CFAP47: variants seen among roughly 807,000 people sequenced by gnomAD.
CFAP47 encodes the protein cilia and flagella associated protein 47.
A neutral mutation model predicts 148.1 loss-of-function variants in CFAP47; 29 were observed. That is an observed-to-expected ratio of 0.20 (90% CI 0.15 to 0.27). The LOEUF (loss-of-function observed/expected upper bound fraction) is 0.27, where lower values mean the gene tolerates loss of function less well. Among genes scored for constraint, CFAP47 ranks in the 10% least tolerant of loss-of-function variants. The pLI, the probability that CFAP47 is intolerant of heterozygous loss-of-function variation, is 1.00. For synonymous variants in CFAP47, 664 were observed against 577.3 expected (o/e 1.15, Z -2.15); for missense variants, 1,872 against 1,697.5 (o/e 1.10, Z -1.81).
intron 45 of CFAP47, among the ~76,000 whole-genome samples, chrX:36,223,657 G>T (rs997881064): frequency 9.0e-6 from 1 of 111,127 alleles, no homozygotes; most frequent in Non-Finnish European, 1.9e-5. Context: ...TATATTCTAT[G>T]AAGCCCCAAA....
chrX:36,355,958 T>C (rs782006662), intron 60 of CFAP47, among the ~76,000 whole-genome samples: 1 of 111,833 alleles, frequency 8.9e-6, no homozygotes, highest in East Asian at 2.8e-4. Context: ...GTTGTACTCT[T>C]GTCAGGTTGT....
At chrX:36,035,302 C>T (rs984458112) in intron 23 of CFAP47, among the ~76,000 whole-genome samples, 7 of 111,471 alleles carry the variant, frequency 6.3e-5, no homozygotes, top group Non-Finnish European at 1.1e-4. Context: ...AAGTTACTGA[C>T]GTCAATTTCT....
At chrX:36,264,880 T>G (rs1304761984) in intron 49 of CFAP47, among the ~76,000 whole-genome samples, 1 of 112,329 alleles carries the variant, frequency 8.9e-6, no homozygotes, top group Non-Finnish European at 1.9e-5. Context: ...AGGATTGCTT[T>G]GACTATTTGG....
At chrX:36,282,193 A>C (rs1467581598) in intron 50 of CFAP47, among the ~76,000 whole-genome samples, 2 of 110,641 alleles carry the variant, frequency 1.8e-5, no homozygotes, top group Non-Finnish European at 3.8e-5. Flanking sequence ...GAAAAAAAAA[A>C]CAATATTAAC....
intron 61 of CFAP47, among the ~76,000 whole-genome samples, 198 bp from the exon 62 acceptor site, chrX:36,366,768 A>C (rs1235257513): frequency 8.9e-6 from 1 of 111,890 alleles, no homozygotes; most frequent in African/African-American, 3.2e-5. Context: ...GGGAGAATGA[A>C]AATATAATCT....
At chrX:36,108,763 T>TG (rs1686889666) in intron 33 of CFAP47, among the ~76,000 whole-genome samples, 2 of 110,265 alleles carry the variant, frequency 1.8e-5, no homozygotes, top group South Asian at 7.9e-4. Flanking sequence ...ACTTCAGCGC[T>TG]GTAAACTATT....
In CFAP47 at chrX:35,919,814, G is replaced by T; in HGVS notation, c.15G>T (p.Lys5Asn). 1 of 1,206,451 alleles carries T rather than the reference G, an allele frequency of 8.3e-7. No individual in the cohort carries two copies. ...AGAGGGCAGCCATGAACACCCAAAA[G>T]GGTTCCCTCACCATAAACGTCCACA... MNTQKGSLTINVHRG... is the reference protein window; with the variant it reads MNTQNGSLTINVHRG... The change falls in exon 1 of 64, where the codon AAG becomes AAT. Residue 5 changes from lysine (K) to asparagine (N), a missense_variant. Physicochemically the swap from Lys to Asn is moderately conservative, Grantham distance 94. Transcript: ENST00000378653.
chrX:36,204,436 G>T lies in CFAP47; in HGVS notation c.6664-521G>T, dbSNP rs955132314. ...ACACACCAGGGACTGTTGTGGGGTT[G>T]GGGGAGGGGGAGGGATAGCATTAGG... On this transcript the variant is annotated intron_variant, in intron 44 of 63. Coordinates refer to ENST00000378653, the MANE Select transcript of CFAP47 (RefSeq NM_001304548.2). 2.7e-5 allele frequency among the ~76,000 whole-genome samples: 3 copies of T among 109,831 alleles called. No homozygotes were observed. In the Admixed American group the frequency reaches 2.9e-4, roughly 11 times the overall value.
chrX:36,045,152 C>T (rs999741087), intron 25 of CFAP47, among the ~76,000 whole-genome samples: 1 of 111,671 alleles, frequency 9.0e-6, no homozygotes, highest in Non-Finnish European at 1.9e-5. Context: ...TGTTCTAAAT[C>T]TTAGAAGACA....
At chrX:36,163,432 A>G (rs181450351) in intron 39 of CFAP47, among the ~76,000 whole-genome samples, 10 of 108,438 alleles carry the variant, frequency 9.2e-5, no homozygotes, top group Admixed American at 8.9e-4. Context: ...ATTTCCTTCT[A>G]TTTGCTTTGT....
chrX:35,942,122 G>T (rs756987139), intron 3 of CFAP47, among the ~76,000 whole-genome samples: 1 of 110,684 alleles, frequency 9.0e-6, no homozygotes, highest in Non-Finnish European at 1.9e-5. Context: ...TATCCCTTCA[G>T]TGTCCTGATT....
At chrX:35,984,798 G>A (rs1936692976) in intron 15 of CFAP47, among the ~76,000 whole-genome samples, 1 of 111,604 alleles carries the variant, frequency 9.0e-6, no homozygotes, top group Non-Finnish European at 1.9e-5. Context: ...TTATTGTGCT[G>A]TGGTCTGATG....
At chrX:35,999,628 G>T (rs748664106) in intron 19 of CFAP47, among the ~76,000 whole-genome samples, 12 of 112,165 alleles carry the variant, frequency 1.1e-4, no homozygotes, top group Admixed American at 1.9e-4. Context: ...ATGATTAATT[G>T]TGGTTTATCC....
intron 3 of CFAP47, among the ~76,000 whole-genome samples, chrX:35,946,146 C>T (rs866810025): frequency 1.3e-4 from 14 of 110,729 alleles, no homozygotes; most frequent in Middle Eastern, 4.7e-3. Flanking sequence ...TTGCTGGGAT[C>T]GCAAGCATGA....
At chrX:36,214,364 G>A (rs1298084714) in intron 45 of CFAP47, among the ~76,000 whole-genome samples, 3 of 111,688 alleles carry the variant, frequency 2.7e-5, no homozygotes, top group Non-Finnish European at 3.8e-5. Context: ...TGAGTGGTGA[G>A]TGAATGTGAA....
intron 39 of CFAP47, among the ~76,000 whole-genome samples, chrX:36,161,655 ACT>A (rs893186635): frequency 2.7e-5 from 3 of 111,409 alleles, no homozygotes; most frequent in Non-Finnish European, 5.7e-5. Flanking sequence ...TAAACTAGGA[ACT>A]CTGTTTTTTC....
At chrX:36,184,280 G>A (rs943801456) in intron 40 of CFAP47, among the ~76,000 whole-genome samples, 5 of 111,544 alleles carry the variant, frequency 4.5e-5, no homozygotes, top group African/African-American at 6.5e-5. Flanking sequence ...GTAAGATCTT[G>A]ATGGCCAGAA....
rs75515456 is a variant in CFAP47 at position 36,021,134 on chromosome X, A to G, written c.3556+6222A>G. On this transcript the variant is annotated intron_variant, in intron 22 of 63. Coordinates refer to ENST00000378653, the MANE Select transcript of CFAP47 (RefSeq NM_001304548.2). ...AATGAAAACTTTATGCCTTAACTTC[A>G]TCCCTCTGCTTTTTAACTTTTTGTT... Among the ~76,000 whole-genome samples the G allele has an allele frequency of 2.4e-3, 267 of 111,301 alleles. 1 individual carries two copies. Among genetic ancestry groups the G allele is most frequent in the Admixed American group, 0.023 (236 of 10,452 alleles).
chrX:36,073,209 G>A lies in CFAP47; in HGVS notation c.4536G>A (p.Leu1512=), dbSNP rs1937787670. ...SETSEEDHGS[L]EKEKYEQFLS... is the part of the protein sequence containing the mutation. Reference sequence around the variant, plus strand: ...CATCAGAGGAAGATCATGGGTCTCTGGAAAAGGAAAAATATGAACAATTCC... The same window carrying A: ...CATCAGAGGAAGATCATGGGTCTCTAGAAAAGGAAAAATATGAACAATTCC... Residue 1512 remains leucine (L), a synonymous_variant, in exon 29 of 64, where the codon CTG becomes CTA. Transcript: ENST00000378653. 8.3e-7 allele frequency: 1 copy of A among 1,209,850 alleles called. No individual in the cohort carries two copies. The highest frequency in any genetic ancestry group is 1.1e-6 in the Non-Finnish European group (1 of 894,319).
Sources: allele counts gnomAD v4.1 joint callset (sites outside exome capture counted in the v4.1 genomes callset), GRCh38; gene constraint gnomAD v4.1.1; transcripts MANE v1.5; gene names NCBI Gene and HGNC (gene_info 2026-07-23, HGNC 2026-07-21).